The following TMEM268 variants were observed in gnomAD, a reference collection of about 807,000 sequenced individuals.
The protein encoded by TMEM268 is transmembrane protein 268, also known as transmembrane protein C9orf91.
Under a neutral mutation model 39.1 loss-of-function variants are expected in TMEM268, and 24 were observed. The observed-to-expected ratio is 0.61, with a 90% confidence interval of 0.44 to 0.86. The LOEUF is 0.86. TMEM268 is among the 40% of genes least tolerant of loss of function. The pLI, the probability that TMEM268 is intolerant of heterozygous loss-of-function variation, is 0.00. For missense variants in TMEM268, 409 were observed against 428.6 expected (o/e 0.95, Z 0.40); for synonymous variants, 176 against 173.5 (o/e 1.01, Z -0.12).
At chr9:114,628,377 G>T in intron 5 of TMEM268, 127 bp downstream of exon 5, 1 of 978,922 alleles carries the variant, frequency 1.0e-6, no homozygotes, top group Non-Finnish European at 1.5e-6. Context: ...TAGCCCGTAA[G>T]CCCAGTGACT....
chr9:114,633,615 C>T lies in TMEM268; in HGVS notation c.475-153C>T, dbSNP rs10982341. 1.1e-3 allele frequency among the ~76,000 whole-genome samples: 162 copies of T among 152,244 alleles called. 2 individuals carry two copies. The highest frequency in any genetic ancestry group is 3.4e-3 in the Middle Eastern group (1 of 294). The stretch of plus-strand genomic sequence containing the variant: ...GAGTCACTGTGACTGCCTCCACCCC[C>T]GACCATTTAATAGGGGAGGAAATGG... On this transcript the variant is annotated intron_variant, in intron 5 of 8. Coordinates refer to ENST00000288502, the MANE Select transcript of TMEM268 (RefSeq NM_153045.4).
At chr9:114,626,865 G>T in intron 3 of TMEM268, 34 bp from the exon 4 acceptor site, 1 of 1,514,720 alleles carries the variant, frequency 6.6e-7, no homozygotes, top group Non-Finnish European at 9.2e-7. Flanking sequence ...GCTGTCCTGC[G>T]GCTGATTGAT....
chr9:114,611,884 C>A (rs943417603), intron 1 of TMEM268, among the ~76,000 whole-genome samples: 1 of 152,226 alleles, frequency 6.6e-6, no homozygotes, highest in Non-Finnish European at 1.5e-5. Context: ...GAGACTGAGA[C>A]TGGGACGAGA....
rs772884544 is a variant in TMEM268, at chr9:114,626,950, C to G, written c.268C>G (p.Gln90Glu). The G allele has an allele frequency of 3.6e-5, 58 of 1,613,634 alleles. 1 individual carries two copies. The Admixed American group carries it at 9.7e-4, about 27-fold the overall frequency. Residue 90 changes from glutamine (Q) to glutamate (E), a missense_variant, in exon 4 of 9, where the codon CAA (glutamine) becomes GAA (glutamate). Transcript: ENST00000288502. Reference sequence around the variant, plus strand: ...GGCTGAGAGTGCCCTCTTGGAGCCCCAAGTGAGAAGATATATCATCTACAA... The same window carrying G: ...GGCTGAGAGTGCCCTCTTGGAGCCCGAAGTGAGAAGATATATCATCTACAA... ...SLAESALLEP[Q>E]VRRYIIYNSR...
chr9:114,606,451 T>A (rs1431468378), upstream of TMEM268, among the ~76,000 whole-genome samples: 1 of 152,222 alleles, frequency 6.6e-6, no homozygotes, highest in Non-Finnish European at 1.5e-5. Flanking sequence ...TTTGAGGATG[T>A]GACTTCCGGG....
chr9:114,636,900 C>A, intron 6 of TMEM268, 90 bp from the exon 7 acceptor site: 4 of 780,270 alleles, frequency 5.1e-6, no homozygotes, highest in Admixed American at 4.1e-5. Context: ...TCCTGCCAGA[C>A]AGCAGGCTAA....
chr9:114,612,322 C>G (rs968639720), intron 1 of TMEM268, among the ~76,000 whole-genome samples: 5 of 152,120 alleles, frequency 3.3e-5, no homozygotes, highest in African/African-American at 1.2e-4. Context: ...AGATGGATAT[C>G]TGGAAGTTCT....
intron 2 of TMEM268, chr9:114,622,017 A>G: frequency 4.6e-6 from 4 of 870,106 alleles, no homozygotes; most frequent in Non-Finnish European, 5.5e-6. Context: ...AGCAGAAGCC[A>G]CTTAGGAGGC....
Position 114,638,575 on chromosome 9 carries a change from G to A in TMEM268, c.698G>A (p.Cys233Tyr). The A allele has an allele frequency of 6.3e-7, 1 of 1,597,124 alleles. No homozygotes were observed. ...SLLRSRLSQL[C>Y]VVMETGVSPA... ...CTGAGAAGCAGATTGAGCCAGTTGT[G>A]TGTTGTCATGGAGACTGGGGTGAGC... The change falls in exon 8 of 9, where the codon TGT becomes TAT. Residue 233 changes from cysteine (C) to tyrosine (Y), a missense_variant. Coordinates refer to ENST00000288502, the MANE Select transcript of TMEM268 (RefSeq NM_153045.4).
intron 6 of TMEM268, among the ~76,000 whole-genome samples, chr9:114,635,615 G>T (rs1424359766): frequency 6.6e-6 from 1 of 152,178 alleles, no homozygotes; most frequent in Non-Finnish European, 1.5e-5. Flanking sequence ...GGATGTCAAG[G>T]CTGCAGTGAG....
At chr9:114,621,718 C>T (rs1034593493) in intron 2 of TMEM268, among the ~76,000 whole-genome samples, 2 of 152,048 alleles carry the variant, frequency 1.3e-5, no homozygotes, top group African/African-American at 2.4e-5. Flanking sequence ...GCTAGGTAGA[C>T]GTGTCCTAGA....
At chr9:114,630,958 G>C (rs1052681863) in intron 5 of TMEM268, among the ~76,000 whole-genome samples, 5 of 152,178 alleles carry the variant, frequency 3.3e-5, no homozygotes, top group African/African-American at 1.2e-4. Flanking sequence ...GTCTTTGAGA[G>C]CATCAATGTC....
Position 114,644,416 on chromosome 9 carries a change from C to G in TMEM268, c.*1103C>G, listed in dbSNP as rs1190788889. On this transcript the variant is annotated 3_prime_UTR_variant, in exon 9 of 9. Coordinates refer to ENST00000288502, the MANE Select transcript of TMEM268 (RefSeq NM_153045.4). ...TTCTTTAGGAAGCCTTCCCACACAG[C>G]CAACCCTGCTGCTCTCTGCCTCCTT... 6.6e-6 allele frequency: 1 copy of G among 152,424 alleles called. No individual in the cohort carries two copies. Among genetic ancestry groups the G allele is most frequent in the Non-Finnish European group, 1.5e-5 (1 of 68,098 alleles). 9.4% of individuals were successfully genotyped at this position (152,424 alleles called of 1,614,324 possible).
rs1846745349 is a variant in TMEM268, at chr9:114,638,585, G to A, written c.708G>A (p.Met236Ile). 4 of 1,602,740 alleles carry A rather than the reference G, an allele frequency of 2.5e-6. No homozygotes were observed. Among genetic ancestry groups the A allele is most frequent in the Non-Finnish European group, 3.4e-6 (4 of 1,175,292 alleles). ...GATTGAGCCAGTTGTGTGTTGTCAT[G>A]GAGACTGGGGTGAGCCCTGCAACAG... ...RSRLSQLCVV[M>I]ETGVSPATAE... is the part of the protein sequence containing the mutation. The change falls in exon 8 of 9, where the codon ATG becomes ATA. Residue 236 changes from methionine to isoleucine, a missense_variant. By Grantham distance (10) the Met-to-Ile change is conservative. Transcript: ENST00000288502.
intron 2 of TMEM268, among the ~76,000 whole-genome samples, chr9:114,621,639 G>A (rs7027695): frequency 0.64 from 97,959 of 152,000 alleles, 32,035 homozygotes; most frequent in Non-Finnish European, 0.7. Flanking sequence ...AGAGTGTCAA[G>A]GAGGCCTCTC....
At chr9:114,634,987 T>C (rs1397898069) in intron 6 of TMEM268, among the ~76,000 whole-genome samples, 3 of 152,206 alleles carry the variant, frequency 2.0e-5, no homozygotes, top group African/African-American at 7.2e-5. Context: ...GAATCTCCTT[T>C]ATCCGTTGGC....
chr9:114,630,704 C>G (rs1466897542), intron 5 of TMEM268, among the ~76,000 whole-genome samples: 1 of 152,144 alleles, frequency 6.6e-6, no homozygotes, highest in East Asian at 1.9e-4. Flanking sequence ...ATAATAGTAC[C>G]TGGTGTAAAG....
intron 3 of TMEM268, 56 bp downstream of exon 3, chr9:114,624,515 C>G (rs1484576862): frequency 1.3e-6 from 2 of 1,540,034 alleles, no homozygotes; most frequent in African/African-American, 1.4e-5. Context: ...ATTCATCCCT[C>G]TATCTTTTCA....
At chr9:114,641,169 C>G (rs370898505) in intron 8 of TMEM268, among the ~76,000 whole-genome samples, 139 of 152,234 alleles carry the variant, frequency 9.1e-4, no homozygotes, top group African/African-American at 3.2e-3. Flanking sequence ...AGCCACCGCG[C>G]CCGGCCTCTA....
Sources: allele counts gnomAD v4.1 joint callset (sites outside exome capture counted in the v4.1 genomes callset), GRCh38; gene constraint gnomAD v4.1.1; transcripts MANE v1.5; gene names NCBI Gene and HGNC (gene_info 2026-07-23, HGNC 2026-07-21).